KCNQ5: variants seen among roughly 807,000 people sequenced by gnomAD.
The protein encoded by KCNQ5 is potassium voltage-gated channel subfamily Q member 5.
KCNQ5 carries 30 observed loss-of-function variants against 98.2 expected under a neutral mutation model. That is an observed-to-expected ratio of 0.31 (90% confidence interval 0.23 to 0.41). KCNQ5 has a LOEUF of 0.41. Ranked by LOEUF, KCNQ5 falls within the 10% of genes least tolerant of loss-of-function variation. KCNQ5 has a pLI of 1.00. For synonymous variants in KCNQ5, 458 were observed against 449.4 expected (o/e 1.02, Z -0.24); for missense variants, 835 against 1,182.5 (o/e 0.71, Z 4.31).
At chr6:72,988,520 G>A (rs1768926302) in intron 1 of KCNQ5, among the ~76,000 whole-genome samples, 1 of 152,048 alleles carries the variant, frequency 6.6e-6, no homozygotes, top group South Asian at 2.1e-4. Flanking sequence ...AGGGGAAGGA[G>A]AAGGGCGTAG....
At chr6:72,949,853 A>C (rs1766718273) in intron 1 of KCNQ5, among the ~76,000 whole-genome samples, 1 of 152,084 alleles carries the variant, frequency 6.6e-6, no homozygotes, top group Non-Finnish European at 1.5e-5. Context: ...CAATAAACTA[A>C]ATTTTTTTTA....
At chr6:73,153,786 A>G (rs1240922403) in intron 10 of KCNQ5, among the ~76,000 whole-genome samples, 2 of 152,134 alleles carry the variant, frequency 1.3e-5, no homozygotes, top group Non-Finnish European at 2.9e-5. Context: ...CTAGGTCCCA[A>G]ATTTTTATGT....
chr6:73,077,638 G>T (rs573492105), intron 4 of KCNQ5, 124 bp from the exon 5 acceptor site: 713 of 1,240,870 alleles, frequency 5.7e-4, no homozygotes, highest in Non-Finnish European at 7.6e-4. Flanking sequence ...ATGTACAATG[G>T]ATTATTTAAG....
chr6:72,625,853 T>C (rs12528674), intron 1 of KCNQ5, among the ~76,000 whole-genome samples: 60,762 of 152,052 alleles, frequency 0.4, 13,052 homozygotes, highest in Middle Eastern at 0.51. Flanking sequence ...ACCACTTCTA[T>C]TCCATTCTGT....
At chr6:72,812,837 G>T (rs1436450555) in intron 1 of KCNQ5, among the ~76,000 whole-genome samples, 1 of 152,128 alleles carries the variant, frequency 6.6e-6, no homozygotes, top group Non-Finnish European at 1.5e-5. Flanking sequence ...CAGCAAGTCA[G>T]GATTTACCCT....
At chr6:72,963,527 G>A (rs1245510666) in intron 1 of KCNQ5, among the ~76,000 whole-genome samples, 1 of 152,016 alleles carries the variant, frequency 6.6e-6, no homozygotes, top group Non-Finnish European at 1.5e-5. Context: ...CCTAAAATCT[G>A]GAAAGGAGTA....
At chr6:72,980,054 T>C (rs1405073576) in intron 1 of KCNQ5, among the ~76,000 whole-genome samples, 1 of 152,220 alleles carries the variant, frequency 6.6e-6, no homozygotes, top group Non-Finnish European at 1.5e-5. Context: ...TTGGTACCAG[T>C]ACCATGCTGT....
At position 73,190,007 on chromosome 6, in the gene KCNQ5, A is replaced by AAAAAG. The variant is rs1333151437; in HGVS notation, c.1578-563_1578-562insAGAAA. On this transcript the variant is annotated intron_variant, in intron 11 of 13. Transcript: ENST00000370398. ...TGAGACCTCATCTCAAAAAAAAAAA[A>AAAAAG]AAAGTGTATTATGTTTAAAACAAAA... Among the ~76,000 whole-genome samples, 17 of 152,142 alleles carry AAAAAG rather than the reference A, an allele frequency of 1.1e-4. No individual in the cohort carries two copies. In the South Asian group the frequency reaches 1.9e-3, roughly 17 times the overall value.
chr6:72,907,807 T>C (rs1234898251), intron 1 of KCNQ5, among the ~76,000 whole-genome samples: 2 of 152,144 alleles, frequency 1.3e-5, no homozygotes, highest in Admixed American at 1.3e-4. Context: ...GCAATCCCAC[T>C]AAAGACTTTT....
intron 11 of KCNQ5, among the ~76,000 whole-genome samples, chr6:73,186,849 T>C (rs148387693): frequency 0.031 from 4,667 of 152,210 alleles, 90 homozygotes; most frequent in East Asian, 0.068. Flanking sequence ...TGTACAGTTT[T>C]GTTACATAGG....
intron 11 of KCNQ5, among the ~76,000 whole-genome samples, chr6:73,179,579 G>A (rs551381865): frequency 5.9e-5 from 9 of 152,238 alleles, no homozygotes; most frequent in East Asian, 3.9e-4. Flanking sequence ...AATGCATGTC[G>A]GTAGTGTAAA....
chr6:72,982,628 A>G (rs1768526772), intron 1 of KCNQ5, among the ~76,000 whole-genome samples: 1 of 150,960 alleles, frequency 6.6e-6, no homozygotes, highest in Non-Finnish European at 1.5e-5. Context: ...TCTTTATCCA[A>G]TTTGCCAGTC....
chr6:72,913,476 CTT>C (rs1322749617), intron 1 of KCNQ5, among the ~76,000 whole-genome samples: 1 of 152,144 alleles, frequency 6.6e-6, no homozygotes, highest in Non-Finnish European at 1.5e-5. Flanking sequence ...TGGGTCCACT[CTT>C]AACTGTAGAA....
chr6:73,044,518 A>G (rs1582247993), intron 3 of KCNQ5, among the ~76,000 whole-genome samples: 1 of 152,186 alleles, frequency 6.6e-6, no homozygotes, highest in Non-Finnish European at 1.5e-5. Flanking sequence ...GGTCCAGCTG[A>G]ATGGATGTTA....
chr6:72,715,464 G>A (rs113727718), intron 1 of KCNQ5, among the ~76,000 whole-genome samples: 2,034 of 152,218 alleles, frequency 0.013, 34 homozygotes, highest in African/African-American at 0.042. Context: ...TTTGCCCTGG[G>A]TTATTACAAA....
intron 1 of KCNQ5, among the ~76,000 whole-genome samples, chr6:72,741,609 T>C (rs1771133685): frequency 1.3e-5 from 2 of 152,184 alleles, no homozygotes; most frequent in Admixed American, 1.3e-4. Context: ...ATCTTCATTT[T>C]AAGTAACAAA....
chr6:73,119,710 T>C (rs1401841714), intron 7 of KCNQ5, among the ~76,000 whole-genome samples: 1 of 152,220 alleles, frequency 6.6e-6, no homozygotes, highest in East Asian at 1.9e-4. Context: ...ACTAGTTGCA[T>C]AATGGATTTT....
At chr6:73,009,279 A>C (rs527306213) in intron 2 of KCNQ5, among the ~76,000 whole-genome samples, 94 of 152,292 alleles carry the variant, frequency 6.2e-4, no homozygotes, top group Non-Finnish European at 1.1e-3. Flanking sequence ...GGTGTGAGCC[A>C]CTGTGCCCAG....
intron 1 of KCNQ5, among the ~76,000 whole-genome samples, chr6:72,711,406 T>C (rs555783779): frequency 4.6e-5 from 7 of 152,122 alleles, no homozygotes; most frequent in African/African-American, 1.4e-4. Flanking sequence ...TAAAAAAGAG[T>C]TAACCCCTTG....
Sources: gnomAD v4.1 joint callset for allele counts (sites outside exome capture counted in the v4.1 genomes callset) on GRCh38, gnomAD v4.1.1 for gene constraint, MANE v1.5 for transcripts, NCBI Gene and HGNC (gene_info 2026-07-23, HGNC 2026-07-21) for gene names.